The following TANC1 variants were observed in gnomAD, a reference collection of about 807,000 sequenced individuals.
The protein encoded by TANC1 is tetratricopeptide repeat, ankyrin repeat and coiled-coil containing 1.
In TANC1, 77 loss-of-function variants were observed where a neutral mutation model predicts 149.7. The observed-to-expected ratio is 0.51, with a 90% confidence interval of 0.43 to 0.62. The LOEUF is 0.62. TANC1 is among the 20% of genes least tolerant of loss of function. TANC1 has a pLI of 0.00. For missense variants in TANC1, 1,985 were observed against 2,321.8 expected (o/e 0.85, Z 2.98); for synonymous variants, 854 against 925.0 (o/e 0.92, Z 1.39).
At chr2:158,975,732 C>G (rs1191601073) in intron 1 of TANC1, among the ~76,000 whole-genome samples, 1 of 151,846 alleles carries the variant, frequency 6.6e-6, no homozygotes. Flanking sequence ...CCATCCCCAG[C>G]CCACAATGAC....
intron 5 of TANC1, among the ~76,000 whole-genome samples, chr2:159,139,630 G>A (rs1021788707): frequency 2.6e-5 from 4 of 152,216 alleles, no homozygotes; most frequent in African/African-American, 9.6e-5. Context: ...GGCAAGTTTT[G>A]AGGAGGGGCT....
chr2:159,212,837 G>T (rs111578648), intron 19 of TANC1, among the ~76,000 whole-genome samples: 2,053 of 151,622 alleles, frequency 0.014, 53 homozygotes, highest in African/African-American at 0.047. Context: ...GGAAAATGGC[G>T]TGAACCCAAG....
Position 159,230,987 on chromosome 2 carries a change from G to C in TANC1, c.5561G>C (p.Arg1854Pro). The change falls in exon 27 of 27, where the codon CGA becomes CCA. Residue 1854 changes from arginine (R) to proline (P), a missense_variant. By Grantham distance (103) the Arg-to-Pro change is moderately radical (BLOSUM62 -2). Transcript: ENST00000263635. This position sits in a 1 kb window ranked among gnomAD's most constrained non-coding sequence, Gnocchi z 4.4. ...RSHLTAAKPK[R>P]SFIESNV ...CACCTCACTGCAGCCAAACCAAAGC[G>C]ATCATTTATAGAGTCAAATGTGTGA... is the stretch of plus-strand genomic sequence containing the variant. The C allele has an allele frequency of 6.2e-7, 1 of 1,612,826 alleles. No homozygotes were observed. The highest frequency in any genetic ancestry group is 1.1e-5 in the South Asian group (1 of 90,918).
intron 23 of TANC1, chr2:159,224,749 G>A (rs73967248): frequency 0.013 from 2,389 of 187,872 alleles, 61 homozygotes; most frequent in African/African-American, 0.052. Flanking sequence ...GCTGTGTGGG[G>A]AAATGGCCAC....
intron 19 of TANC1, among the ~76,000 whole-genome samples, chr2:159,205,490 CTG>C (rs1404015105): frequency 6.6e-6 from 1 of 152,200 alleles, no homozygotes; most frequent in Non-Finnish European, 1.5e-5. Flanking sequence ...CCATACAATA[CTG>C]TGTCTTTATT....
intron 4 of TANC1, among the ~76,000 whole-genome samples, chr2:159,098,035 G>A (rs1344436795): frequency 1.3e-5 from 2 of 151,774 alleles, no homozygotes; most frequent in Non-Finnish European, 2.9e-5. Context: ...TGGACTACCA[G>A]GCTAGATTTT....
chr2:159,116,451 CAACA>C (rs1327193282), intron 4 of TANC1, among the ~76,000 whole-genome samples: 1 of 135,302 alleles, frequency 7.4e-6, no homozygotes, highest in African/African-American at 3.1e-5. Context: ...ACAACAACAA[CAACA>C]AAAAAAAAAA....
intron 8 of TANC1, among the ~76,000 whole-genome samples, chr2:159,165,520 C>G (rs1166330301): frequency 6.6e-6 from 1 of 152,200 alleles, no homozygotes; most frequent in East Asian, 1.9e-4. Context: ...TTCATTGCCT[C>G]CCTTCCTGCC....
intron 2 of TANC1, among the ~76,000 whole-genome samples, chr2:159,036,166 C>G (rs2040175973): frequency 6.6e-6 from 1 of 152,086 alleles, no homozygotes; most frequent in Non-Finnish European, 1.5e-5. Flanking sequence ...AGGGCCCTCT[C>G]CCTTTTATGA....
At chr2:159,202,125 C>T (rs549726753) in intron 19 of TANC1, among the ~76,000 whole-genome samples, 12 of 152,286 alleles carry the variant, frequency 7.9e-5, no homozygotes, top group South Asian at 2.1e-4. Context: ...TTAAGAATGA[C>T]GGCCACCAGC....
intron 19 of TANC1, among the ~76,000 whole-genome samples, chr2:159,205,964 G>A (rs1447520416): frequency 6.6e-6 from 1 of 152,244 alleles, no homozygotes; most frequent in Non-Finnish European, 1.5e-5. Context: ...CAGAGGTCCT[G>A]AGCATCTCAC....
intron 1 of TANC1, among the ~76,000 whole-genome samples, chr2:158,989,706 C>T (rs765286869): frequency 6.6e-6 from 1 of 151,858 alleles, no homozygotes; most frequent in African/African-American, 2.4e-5. Context: ...ACTGTCGTGC[C>T]CTTAGAGTAT....
At chr2:159,219,093 T>C in intron 20 of TANC1, 145 bp from the exon 21 acceptor site, 1 of 1,068,042 alleles carries the variant, frequency 9.4e-7, no homozygotes, top group South Asian at 1.4e-5. Flanking sequence ...GTGGAAAGAT[T>C]TTCCAGGCCC....
chr2:159,014,903 C>T (rs185727272), intron 2 of TANC1, among the ~76,000 whole-genome samples: 2 of 152,214 alleles, frequency 1.3e-5, no homozygotes, highest in African/African-American at 2.4e-5. Flanking sequence ...TTGCAGGGTA[C>T]AGCCTCCTTC....
chr2:159,170,895 C>T (rs1575077438), intron 10 of TANC1, 90 bp downstream of exon 10: 4 of 1,432,288 alleles, frequency 2.8e-6, no homozygotes, highest in East Asian at 2.4e-5. Flanking sequence ...TACCAATTTT[C>T]CTCAAGTTGT....
intron 2 of TANC1, among the ~76,000 whole-genome samples, chr2:159,029,097 T>C (rs535664867): frequency 6.6e-6 from 1 of 152,354 alleles, no homozygotes; most frequent in South Asian, 2.1e-4. Context: ...TGGAATCGTG[T>C]GCTGTTTATC....
intron 2 of TANC1, among the ~76,000 whole-genome samples, chr2:159,051,012 A>G (rs570487628): frequency 1.8e-4 from 27 of 152,368 alleles, no homozygotes; most frequent in African/African-American, 6.5e-4. Flanking sequence ...GCAGACTGAC[A>G]TATTTTGCTG....
At chr2:159,014,298 A>G (rs2038053978) in intron 2 of TANC1, among the ~76,000 whole-genome samples, 1 of 152,164 alleles carries the variant, frequency 6.6e-6, no homozygotes, top group African/African-American at 2.4e-5. Context: ...GAGAATGAGG[A>G]AGACACAAAA....
At chr2:159,160,462 G>C (rs2053933685) in intron 7 of TANC1, among the ~76,000 whole-genome samples, 1 of 152,190 alleles carries the variant, frequency 6.6e-6, no homozygotes, top group African/African-American at 2.4e-5. Flanking sequence ...AAGGTTGGAA[G>C]AAAGAAAGAT....
Sources: allele counts gnomAD v4.1 joint callset (sites outside exome capture counted in the v4.1 genomes callset), GRCh38; gene constraint gnomAD v4.1.1; non-coding constraint Gnocchi (gnomAD v3.1); transcripts MANE v1.5; gene names NCBI Gene and HGNC (gene_info 2026-07-23, HGNC 2026-07-21).